ATP10B: variants seen among roughly 807,000 people sequenced by gnomAD.
ATP10B encodes the protein phospholipid-transporting ATPase VB.
In ATP10B, 122 loss-of-function variants were observed where a neutral mutation model predicts 141.2. That is an observed-to-expected ratio of 0.86 (90% CI 0.75 to 1.00). The LOEUF is 1.00. Ranked by LOEUF, ATP10B falls within the 50% of genes least tolerant of loss-of-function variation. ATP10B has a pLI of 0.00. For missense variants in ATP10B, 1,876 were observed against 1,825.3 expected (o/e 1.03, Z -0.51); for synonymous variants, 685 against 692.0 (o/e 0.99, Z 0.16).
intron 10 of ATP10B, among the ~76,000 whole-genome samples, chr5:160,637,017 T>TACCC (rs1759440489): frequency 1.6e-5 from 1 of 62,002 alleles, no homozygotes; most frequent in East Asian, 4.5e-4. Flanking sequence ...TCCATCCATC[T>TACCC]ATCCATCCAT....
intron 6 of ATP10B, among the ~76,000 whole-genome samples, chr5:160,678,065 T>C (rs1231326603): frequency 6.6e-6 from 1 of 152,220 alleles, no homozygotes; most frequent in Non-Finnish European, 1.5e-5. Context: ...TCAAGTGTGC[T>C]GTGGCCAGAA....
the ATP10B span, among the ~76,000 whole-genome samples, chr5:160,870,995 A>ACAGGAGAAATTATTCTTCAAAAATG: frequency 2.1e-4 from 32 of 152,346 alleles, no homozygotes; most frequent in African/African-American, 7.5e-4. Flanking sequence ...CTTCAAAAAT[A>ACAGGAGAAATTATTCTTCAAAAATG]CAGGAGAAAT....
intron 2 of ATP10B, among the ~76,000 whole-genome samples, chr5:160,738,466 A>G (rs1009438234): frequency 3.9e-5 from 6 of 152,090 alleles, no homozygotes; most frequent in African/African-American, 1.4e-4. Context: ...AAAACAGAAA[A>G]TGATCAATAA....
At chr5:160,807,953 C>T (rs956179792) in intron 1 of ATP10B, among the ~76,000 whole-genome samples, 1 of 152,128 alleles carries the variant, frequency 6.6e-6, no homozygotes, top group African/African-American at 2.4e-5. Flanking sequence ...TAAAAAGCCC[C>T]AAGTCCCCTG....
chr5:160,719,197 G>C (rs1015626975), intron 2 of ATP10B, among the ~76,000 whole-genome samples: 1 of 152,104 alleles, frequency 6.6e-6, no homozygotes, highest in Admixed American at 6.6e-5. Flanking sequence ...TCAGGAGATC[G>C]AGACCATCCT....
chr5:160,873,418 A>C, the ATP10B span, among the ~76,000 whole-genome samples: 90,543 of 152,058 alleles, frequency 0.6, 29,191 homozygotes, highest in East Asian at 0.85. Context: ...ACATAATAAA[A>C]GGTACACAGG....
intron 1 of ATP10B, among the ~76,000 whole-genome samples, chr5:160,818,633 G>A (rs1284022160): frequency 7.9e-5 from 12 of 152,196 alleles, no homozygotes; most frequent in Non-Finnish European, 1.5e-4. Context: ...ATTTGATCCA[G>A]CCATCCCATT....
At chr5:160,765,323 A>G (rs1769322316) in intron 2 of ATP10B, among the ~76,000 whole-genome samples, 1 of 152,208 alleles carries the variant, frequency 6.6e-6, no homozygotes, top group Admixed American at 6.5e-5. Context: ...ACTTCAATCT[A>G]TATTACAAGG....
In ATP10B at chr5:160,620,660, C is replaced by G. The variant is rs759451836; in HGVS notation, c.2103G>C (p.Glu701Asp). The G allele has an allele frequency of 1.2e-6, 2 of 1,613,470 alleles. No individual in the cohort carries two copies. The highest frequency in any genetic ancestry group is 1.7e-6 in the Non-Finnish European group (2 of 1,179,470). The change falls in exon 15 of 26, where the codon GAG becomes GAC. Residue 701 changes from glutamate to aspartate, a missense_variant. Transcript: ENST00000327245. ...LESGSGTSLE[E>D]ALEAPATDLA... The stretch of plus-strand genomic sequence containing the variant: ...GGTCTGTGGCTGGGGCCTCCAATGC[C>G]TCCTCCAAGGAAGTGCCTGACCCAG...
chr5:160,716,766 T>A (rs2127777199), intron 3 of ATP10B, 143 bp downstream of exon 3: 1 of 517,248 alleles, frequency 1.9e-6, no homozygotes, highest in Non-Finnish European at 2.5e-6. Context: ...CGGGACCCCG[T>A]TTTTTCTGTT....
chr5:160,585,797 T>A (rs944575852), intron 24 of ATP10B, among the ~76,000 whole-genome samples: 1 of 152,156 alleles, frequency 6.6e-6, no homozygotes, highest in African/African-American at 2.4e-5. Context: ...AGTCTGCAGT[T>A]TGAGCCTTCC....
chr5:160,720,428 T>C (rs1031683666), intron 2 of ATP10B, among the ~76,000 whole-genome samples: 1 of 152,216 alleles, frequency 6.6e-6, no homozygotes, highest in Admixed American at 6.5e-5. Flanking sequence ...GGGAAATATG[T>C]CTCTTAACAA....
At chr5:160,804,708 A>G (rs1295169136) in intron 1 of ATP10B, among the ~76,000 whole-genome samples, 1 of 152,216 alleles carries the variant, frequency 6.6e-6, no homozygotes, top group East Asian at 1.9e-4. Flanking sequence ...AGTCATTTTG[A>G]GTTCAAATCT....
At chr5:160,716,662 A>T (rs186603011) in intron 3 of ATP10B, among the ~76,000 whole-genome samples, 2 of 152,212 alleles carry the variant, frequency 1.3e-5, no homozygotes, top group African/African-American at 4.8e-5. Context: ...AACAACAACA[A>T]TAAGTGGCTT....
chr5:160,603,782 C>G, intron 20 of ATP10B, 183 bp downstream of exon 20: 1 of 547,712 alleles, frequency 1.8e-6, no homozygotes, highest in Non-Finnish European at 3.3e-6. Context: ...AATTTTGACA[C>G]TACGAAAGTG....
At chr5:160,683,045 A>ACCCCC (rs1204101477) in intron 6 of ATP10B, among the ~76,000 whole-genome samples, 2 of 145,836 alleles carry the variant, frequency 1.4e-5, no homozygotes, top group Admixed American at 6.7e-5. Flanking sequence ...TCCCCCAAAA[A>ACCCCC]AAAAAAAAAA....
intron 16 of ATP10B, 115 bp from the exon 17 acceptor site, chr5:160,616,079 AGATG>A (rs1757980607): frequency 8.8e-7 from 1 of 1,132,562 alleles, no homozygotes; most frequent in Admixed American, 3.0e-5. Flanking sequence ...CTACATAATT[AGATG>A]GGGCTTTCTT....
intron 2 of ATP10B, among the ~76,000 whole-genome samples, chr5:160,781,846 C>G (rs1434822356): frequency 6.6e-6 from 1 of 152,060 alleles, no homozygotes; most frequent in Non-Finnish European, 1.5e-5. Flanking sequence ...GACCTTGAGG[C>G]CAGGGTTGAG....
chr5:160,778,654 C>A (rs1215194736), intron 2 of ATP10B, among the ~76,000 whole-genome samples: 1 of 150,756 alleles, frequency 6.6e-6, no homozygotes, highest in Admixed American at 6.7e-5. Context: ...TATTCATGAT[C>A]ACTTTTATCC....
Sources: gnomAD v4.1 joint callset for allele counts (sites outside exome capture counted in the v4.1 genomes callset) on GRCh38, gnomAD v4.1.1 for gene constraint, MANE v1.5 for transcripts, NCBI Gene and HGNC (gene_info 2026-07-23, HGNC 2026-07-21) for gene names.